USP47: variants seen among roughly 807,000 people sequenced by gnomAD.
The protein encoded by USP47 is ubiquitin carboxyl-terminal hydrolase 47.
Under a neutral mutation model 165.1 loss-of-function variants are expected in USP47, and 35 were observed. The observed-to-expected ratio is 0.21, with a 90% CI of 0.16 to 0.28. The LOEUF is 0.28. Among genes scored for constraint, USP47 ranks in the 10% least tolerant of loss-of-function variants. The pLI is 1.00. For synonymous variants in USP47, 531 were observed against 544.5 expected (o/e 0.98, Z 0.35); for missense variants, 1,277 against 1,607.4 (o/e 0.79, Z 3.52).
At chr11:11,868,760 T>C (rs1256925755) in intron 1 of USP47, among the ~76,000 whole-genome samples, 1 of 152,120 alleles carries the variant, frequency 6.6e-6, no homozygotes, top group Non-Finnish European at 1.5e-5. Flanking sequence ...GCATGAGAGA[T>C]TCAATTTCTC....
At chr11:11,921,909 G>A (rs1475389929) in intron 10 of USP47, among the ~76,000 whole-genome samples, 1 of 151,860 alleles carries the variant, frequency 6.6e-6, no homozygotes, top group Non-Finnish European at 1.5e-5. Context: ...CTTGAGAGAT[G>A]AAGACTGTAT....
intron 8 of USP47, among the ~76,000 whole-genome samples, chr11:11,908,202 C>T (rs1852708727): frequency 6.6e-6 from 1 of 152,108 alleles, no homozygotes; most frequent in East Asian, 1.9e-4. Context: ...GTTTAGTGTG[C>T]CACAATATTA....
chr11:11,928,092 A>ATTTT (rs1854384026), intron 11 of USP47, among the ~76,000 whole-genome samples: 1 of 152,060 alleles, frequency 6.6e-6, no homozygotes, highest in South Asian at 2.1e-4. Flanking sequence ...GAAACTTAAA[A>ATTTT]AATGTATAGC....
In USP47 at chr11:11,947,966, A is replaced by G; in HGVS notation, c.3113A>G (p.Lys1038Arg). 6.2e-7 allele frequency: 1 copy of G among 1,609,694 alleles called. No homozygotes were observed. The highest frequency in any genetic ancestry group is 1.1e-5 in the South Asian group (1 of 89,930). ...TTAGGGTTGATGGTGCATGTTGATA[A>G]AAGAATTACTCTGGCAGCTTTCAAA... is the stretch of plus-strand genomic sequence containing the variant. ...GHKWLMVHVD[K>R]RITLAAFKQH... The change falls in exon 21 of 28, where the codon AAA becomes AGA. Residue 1038 changes from lysine to arginine, a missense_variant. By Grantham distance (26) the Lys-to-Arg change is conservative. Coordinates refer to ENST00000527733, the MANE Select transcript of USP47 (RefSeq NM_001282659.2).
chr11:11,867,412 C>G (rs1288532283), intron 1 of USP47, among the ~76,000 whole-genome samples: 1 of 152,100 alleles, frequency 6.6e-6, no homozygotes, highest in Non-Finnish European at 1.5e-5. Flanking sequence ...TGTTTTACAT[C>G]TCTATGTCAC....
intron 1 of USP47, among the ~76,000 whole-genome samples, chr11:11,858,437 T>C (rs1849187276): frequency 6.6e-6 from 1 of 152,114 alleles, no homozygotes; most frequent in East Asian, 1.9e-4. Flanking sequence ...CATACAGTTT[T>C]GTAAGTTTTG....
chr11:11,846,337 T>G (rs564495044), intron 1 of USP47, among the ~76,000 whole-genome samples: 1 of 152,136 alleles, frequency 6.6e-6, no homozygotes, highest in Non-Finnish European at 1.5e-5. Context: ...AAACTTAGAA[T>G]AGAAAAATTT....
In USP47 at chr11:11,960,020, A is replaced by T. The variant is rs1847383031; in HGVS notation, c.*3845A>T. Among the ~76,000 whole-genome samples the T allele has an allele frequency of 2.6e-5, 4 of 152,132 alleles. No homozygotes were observed. Among genetic ancestry groups the T allele is most frequent in the Non-Finnish European group, 5.9e-5 (4 of 68,026 alleles). ...AATACTCAATGCTTACATTTTTTTC[A>T]TAACTGTGCCAATTGTTTTGTCAAA... On this transcript the variant is annotated 3_prime_UTR_variant, in exon 28 of 28. Coordinates refer to ENST00000527733, the MANE Select transcript of USP47 (RefSeq NM_001282659.2).
At chr11:11,940,321 C>G (rs1011555830) in intron 18 of USP47, 108 bp from the exon 19 acceptor site, 30 of 1,157,376 alleles carry the variant, frequency 2.6e-5, no homozygotes, top group Non-Finnish European at 3.3e-5. Context: ...TTATGTTTCT[C>G]TCTGCTGCTT....
chr11:11,945,878 T>C (rs1406437891), intron 20 of USP47, among the ~76,000 whole-genome samples: 2 of 150,268 alleles, frequency 1.3e-5, no homozygotes, highest in Non-Finnish European at 3.0e-5. Context: ...GAGGCTGCAG[T>C]GAGCTATGAT....
At chr11:11,943,221 C>A in intron 20 of USP47, 109 bp downstream of exon 20, 1 of 1,258,314 alleles carries the variant, frequency 7.9e-7, no homozygotes, top group Non-Finnish European at 1.1e-6. Context: ...TCATTTGTAA[C>A]TTTCTGGATT....
chr11:11,944,483 G>C (rs530017979), intron 20 of USP47, among the ~76,000 whole-genome samples: 11 of 152,166 alleles, frequency 7.2e-5, no homozygotes, highest in Non-Finnish European at 1.5e-4. Context: ...AAATCGTATT[G>C]TAATAATGTT....
Position 11,880,293 on chromosome 11 carries a change from G to A in USP47, c.156G>A (p.Lys52=). The A allele has an allele frequency of 7.0e-7, 1 of 1,419,012 alleles. No homozygotes were observed. The highest frequency in any genetic ancestry group is 9.1e-7 in the Non-Finnish European group (1 of 1,095,734). 87.9% of individuals were successfully genotyped at this position (1,419,012 alleles called of 1,614,324 possible). A position where few individuals can be genotyped will look rare whatever the true frequency, so the allele number is the denominator to read the frequency against. ...LNLPASTPVR[K]LFEDVANKVG... ...TACCAGCATCTACTCCAGTCAGAAA[G>A]CTCTTTGAAGATGTGGCCAACAAAG... The change falls in exon 2 of 28, where the codon AAG becomes AAA. Residue 52 remains lysine, a synonymous_variant. Transcript: ENST00000527733.
At chr11:11,929,658 G>C in intron 12 of USP47, 93 bp downstream of exon 12, 1 of 1,504,878 alleles carries the variant, frequency 6.6e-7, no homozygotes, top group Admixed American at 2.1e-5. Context: ...GAGTGAATCT[G>C]TCTAGTGATA....
chr11:11,917,428 CTAT>C (rs1853505009), intron 8 of USP47, among the ~76,000 whole-genome samples: 1 of 152,042 alleles, frequency 6.6e-6, no homozygotes, highest in South Asian at 2.1e-4. Flanking sequence ...TGAGCACTTA[CTAT>C]ATTAAATTAA....
chr11:11,897,805 C>A lies in USP47; in HGVS notation c.593+112C>A. On this transcript the variant is annotated intron_variant, in intron 5 of 27. Transcript: ENST00000527733. ...TTAAAGTTTGGGGCATTTCTCACACCATAAGATATAACTTCTTTCCTTACG... is the reference window on the plus strand; with the variant it reads ...TTAAAGTTTGGGGCATTTCTCACACAATAAGATATAACTTCTTTCCTTACG... The A allele has an allele frequency of 4.4e-6, 3 of 685,682 alleles. No homozygotes were observed. The South Asian group carries it at 6.5e-5, about 15-fold the overall frequency. 42.5% of individuals were successfully genotyped at this position (685,682 alleles called of 1,614,324 possible).
intron 3 of USP47, among the ~76,000 whole-genome samples, chr11:11,887,835 T>C (rs570211762): frequency 1.1e-4 from 17 of 152,076 alleles, no homozygotes; most frequent in African/African-American, 3.6e-4. Flanking sequence ...AGTAAAACAC[T>C]CCTCAGCAAA....
intron 19 of USP47, 137 bp downstream of exon 19, chr11:11,940,685 T>C (rs767271772): frequency 3.2e-6 from 3 of 949,692 alleles, no homozygotes; most frequent in Non-Finnish European, 4.6e-6. Context: ...ACCCAGTAAT[T>C]ACCTTCCTTT....
At chr11:11,865,775 T>G (rs1055627545) in intron 1 of USP47, among the ~76,000 whole-genome samples, 3 of 152,186 alleles carry the variant, frequency 2.0e-5, no homozygotes, top group African/African-American at 7.2e-5. Context: ...TTTCCCTGAT[T>G]ACTGATGTTG....
Sources: allele counts gnomAD v4.1 joint callset (sites outside exome capture counted in the v4.1 genomes callset), GRCh38; gene constraint gnomAD v4.1.1; transcripts MANE v1.5; gene names NCBI Gene and HGNC (gene_info 2026-07-23, HGNC 2026-07-21).